BIN3: variants seen among roughly 807,000 people sequenced by gnomAD.
BIN3 encodes bridging integrator 3.
A neutral mutation model predicts 38.2 loss-of-function variants in BIN3; 41 were observed. That is an observed-to-expected ratio of 1.07 (90% CI 0.84 to 1.39). The LOEUF (loss-of-function observed/expected upper bound fraction) is 1.39, where lower values mean the gene tolerates loss of function less well. BIN3 is among the 40% of genes most tolerant of loss of function. BIN3 has a pLI of 0.00. For synonymous variants in BIN3, 145 were observed against 122.6 expected, an observed-to-expected ratio of 1.18 and a Z score of -1.21; for missense variants, 361 against 324.3, an observed-to-expected ratio of 1.11 and a Z score of -0.87.
intron 6 of BIN3, among the ~76,000 whole-genome samples, chr8:22,626,931 G>C (rs1235664567): frequency 6.6e-6 from 1 of 152,206 alleles, no homozygotes; most frequent in Non-Finnish European, 1.5e-5. Context: ...GTGCCGAGCG[G>C]GGGTGAGGGA....
At chr8:22,654,368 C>G (rs997599073) in intron 1 of BIN3, among the ~76,000 whole-genome samples, 5 of 152,156 alleles carry the variant, frequency 3.3e-5, no homozygotes, top group African/African-American at 9.7e-5. Flanking sequence ...TAACATTCAC[C>G]CTTTTAAAGT....
chr8:22,655,466 T>C (rs888129749), intron 1 of BIN3, among the ~76,000 whole-genome samples: 3 of 152,198 alleles, frequency 2.0e-5, no homozygotes, highest in African/African-American at 7.2e-5. Context: ...TGGTGTGAGG[T>C]AGGGGTCCAA....
At chr8:22,627,879 G>A (rs890130155) in intron 6 of BIN3, among the ~76,000 whole-genome samples, 3 of 152,242 alleles carry the variant, frequency 2.0e-5, no homozygotes, top group Non-Finnish European at 4.4e-5. Flanking sequence ...CTGAGAACAC[G>A]CTGTGGCTTT....
intron 8 of BIN3, among the ~76,000 whole-genome samples, chr8:22,623,374 G>T (rs1457812040): frequency 1.3e-5 from 2 of 152,174 alleles, no homozygotes; most frequent in East Asian, 3.9e-4. Flanking sequence ...ATGCCTCCAG[G>T]CCTGCCTTTC....
intron 1 of BIN3, among the ~76,000 whole-genome samples, chr8:22,666,510 T>C (rs935246053): frequency 2.6e-5 from 4 of 152,126 alleles, no homozygotes; most frequent in African/African-American, 9.7e-5. Flanking sequence ...AAATGCCTTC[T>C]TCCTAGTAGG....
intron 2 of BIN3, among the ~76,000 whole-genome samples, chr8:22,638,020 G>GT (rs1296391284): frequency 6.6e-6 from 1 of 152,188 alleles, no homozygotes; most frequent in Non-Finnish European, 1.5e-5. Flanking sequence ...TGGCTCCACA[G>GT]CCTGTGTTCG....
chr8:22,664,908 T>C, intron 1 of BIN3, among the ~76,000 whole-genome samples: 1 of 152,244 alleles, frequency 6.6e-6, no homozygotes, highest in Non-Finnish European at 1.5e-5. Context: ...ATAATGGTTT[T>C]GTTTGACCCA....
intron 1 of BIN3, among the ~76,000 whole-genome samples, chr8:22,652,116 A>G (rs1430599909): frequency 6.6e-6 from 1 of 152,030 alleles, no homozygotes; most frequent in Non-Finnish European, 1.5e-5. Flanking sequence ...GAGGATCTTA[A>G]CAACAGCTTT....
chr8:22,636,482 C>A (rs1438341672), intron 4 of BIN3, 43 bp downstream of exon 4: 12 of 1,545,846 alleles, frequency 7.8e-6, no homozygotes, highest in Non-Finnish European at 1.1e-5. Context: ...CCCACCTCTG[C>A]CCCACCTGCT....
intron 7 of BIN3, 58 bp downstream of exon 7, chr8:22,624,164 C>T (rs926983184): frequency 9.2e-5 from 147 of 1,593,544 alleles, no homozygotes; most frequent in Non-Finnish European, 1.3e-4. Flanking sequence ...AGGGACTTAC[C>T]ACAGGTGACC....
intron 1 of BIN3, among the ~76,000 whole-genome samples, chr8:22,648,764 A>T (rs904914717): frequency 1.3e-5 from 2 of 152,170 alleles, no homozygotes; most frequent in Non-Finnish European, 2.9e-5. Flanking sequence ...ATCAGTATGG[A>T]CTCACAGATA....
At position 22,624,216 on chromosome 8, in the gene BIN3, T is replaced by C. The variant is rs772711345; in HGVS notation, c.480+6A>G. On this transcript the variant is annotated splice_donor_region_variant and intron_variant, in intron 7 of 8. Coordinates refer to ENST00000276416, the MANE Select transcript of BIN3 (RefSeq NM_018688.6). ...CTAGCCCCTGCCCACCTGTCTCCCC[T>C]GGTACCTGGTGGAGCTTGGCCAGCA... 6.2e-7 allele frequency: 1 copy of C among 1,612,674 alleles called. No homozygotes were observed. The highest frequency in any genetic ancestry group is 8.5e-7 in the Non-Finnish European group (1 of 1,179,196).
Position 22,663,427 on chromosome 8 carries a change from C to T in BIN3, c.8+5617G>A, listed in dbSNP as rs564299807. 6.4e-5 allele frequency among the ~76,000 whole-genome samples: 9 copies of T among 140,540 alleles called. No individual in the cohort carries two copies. In the East Asian group the frequency reaches 1.9e-3, roughly 30 times the overall value. The allele number at this position is 140,540 out of a possible 152,430, so 92.2% of individuals were successfully genotyped here. A position where few individuals can be genotyped will look rare whatever the true frequency, so the allele number is the denominator to read the frequency against. ...ACTCCAGCCTGGGCAACAGTGAGAC[C>T]CCCCGATTTGTTTAAAAAAAAAAAA... On this transcript the variant is annotated intron_variant, in intron 1 of 8. Coordinates refer to ENST00000276416, the MANE Select transcript of BIN3 (RefSeq NM_018688.6).
rs11550511 is a variant in BIN3 at position 22,623,977 on chromosome 8, G to A, written c.553C>T (p.Arg185Cys). ...KNRQLLEEMP[R>C]FYGSRLDYFQ... is the part of the protein sequence containing the mutation. ...TAGTCGAGGCGGCTGCCGTAGAAGC[G>A]CGGCATCTCCTCCAGCAGCTGCCTG... is the stretch of plus-strand genomic sequence containing the variant. The change falls in exon 8 of 9, where the codon CGC becomes TGC. Residue 185 changes from arginine to cysteine, a missense_variant. Physicochemically the swap from Arg to Cys is radical, Grantham distance 180. Transcript: ENST00000276416. 1.5e-4 allele frequency: 248 copies of A among 1,612,474 alleles called. No homozygotes were observed. Among genetic ancestry groups the A allele is most frequent in the East Asian group, 1.0e-3 (46 of 44,870 alleles).
chr8:22,658,604 C>T (rs1480632246), intron 1 of BIN3, among the ~76,000 whole-genome samples: 1 of 152,184 alleles, frequency 6.6e-6, no homozygotes, highest in Non-Finnish European at 1.5e-5. Context: ...GGGAGGGATC[C>T]CCTGGTCACC....
At chr8:22,644,495 C>T in intron 2 of BIN3, 1 of 461,818 alleles carries the variant, frequency 2.2e-6, no homozygotes, top group South Asian at 2.1e-5. Context: ...ATATCTTCCT[C>T]TACATTTTTG....
chr8:22,638,337 C>A (rs1802436951), intron 2 of BIN3, among the ~76,000 whole-genome samples: 1 of 152,242 alleles, frequency 6.6e-6, no homozygotes, highest in African/African-American at 2.4e-5. Flanking sequence ...AGCCCAGAGA[C>A]AGGAGTGACT....
At position 22,649,860 on chromosome 8, in the gene BIN3, C is replaced by A. The variant is rs947072865; in HGVS notation, c.9-5057G>T. ...ACACACACACACACACACACACACCCCCAAAGGAAAAAATTAACAGTAATA... is the reference window on the plus strand; with the variant it reads ...ACACACACACACACACACACACACCACCAAAGGAAAAAATTAACAGTAATA... On this transcript the variant is annotated intron_variant, in intron 1 of 8. Transcript: ENST00000276416. Among the ~76,000 whole-genome samples, 193 of 99,596 alleles carry A rather than the reference C, an allele frequency of 1.9e-3. 2 individuals are homozygous for A. The highest frequency in any genetic ancestry group is 0.013 in the African/African-American group (180 of 14,312). 65.3% of individuals were successfully genotyped at this position (99,596 alleles called of 152,430 possible). A position where few individuals can be genotyped will look rare whatever the true frequency, so the allele number is the denominator to read the frequency against.
At chr8:22,656,650 T>G (rs1585202449) in intron 1 of BIN3, among the ~76,000 whole-genome samples, 1 of 152,330 alleles carries the variant, frequency 6.6e-6, no homozygotes, top group East Asian at 1.9e-4. Flanking sequence ...TCCCTCACTA[T>G]CAAATATGAA....
Sources: gnomAD v4.1 joint callset for allele counts (sites outside exome capture counted in the v4.1 genomes callset) on GRCh38, gnomAD v4.1.1 for gene constraint, MANE v1.5 for transcripts, NCBI Gene and HGNC (gene_info 2026-07-23, HGNC 2026-07-21) for gene names.